Variants in TMEFF2 observed in about 807,000 individuals in gnomAD.
TMEFF2 encodes the protein tomoregulin-2.
TMEFF2 carries 28 observed loss-of-function variants against 53.8 expected under a neutral mutation model. The ratio of observed to expected loss-of-function variants is 0.52; its 90% CI spans 0.39 to 0.71. The LOEUF is 0.71. Among genes scored for constraint, TMEFF2 ranks in the 30% least tolerant of loss-of-function variants. TMEFF2 has a pLI of 0.00. For synonymous variants in TMEFF2, 162 were observed against 166.3 expected (o/e 0.97, Z 0.20); for missense variants, 353 against 455.2 (o/e 0.78, Z 2.04).
intron 9 of TMEFF2, among the ~76,000 whole-genome samples, chr2:191,951,132 A>G (rs573518170): frequency 6.6e-6 from 1 of 152,060 alleles, no homozygotes. Context: ...ACACATATAT[A>G]TCACGTGTGT....
Position 191,985,514 on chromosome 2 carries a change from T to C in TMEFF2, c.745+12748A>G, listed in dbSNP as rs534137652. ...AAACAACTGTTCCATCTTTCAGAGA[T>C]AGTCTGTTTTCACAAGACATTGTAA... is the stretch of plus-strand genomic sequence containing the variant. On this transcript the variant is annotated intron_variant, in intron 7 of 9. Transcript: ENST00000272771. Among the ~76,000 whole-genome samples, 3 of 152,282 alleles carry C rather than the reference T, an allele frequency of 2.0e-5. No homozygotes were observed. The South Asian group carries it at 6.2e-4, about 32-fold the overall frequency.
intron 7 of TMEFF2, among the ~76,000 whole-genome samples, chr2:191,972,608 G>A (rs1405064522): frequency 6.6e-6 from 1 of 151,990 alleles, no homozygotes; most frequent in Non-Finnish European, 1.5e-5. Context: ...CAATGTCCCA[G>A]TCTTCAACTT....
In TMEFF2 at chr2:191,995,171, T is replaced by C. The variant is rs538954216; in HGVS notation, c.745+3091A>G. On this transcript the variant is annotated intron_variant, in intron 7 of 9. Coordinates refer to ENST00000272771, the MANE Select transcript of TMEFF2 (RefSeq NM_016192.4). ...TAATTCACCTCCTGCTGATCCTTGC[T>C]GGGATCTCTTTTAACTGATATTAAA... Among the ~76,000 whole-genome samples, 4 of 152,148 alleles carry C rather than the reference T, an allele frequency of 2.6e-5. No individual in the cohort carries two copies. The South Asian group carries it at 8.3e-4, about 31-fold the overall frequency.
At chr2:192,181,657 C>T (rs2356963) in intron 3 of TMEFF2, among the ~76,000 whole-genome samples, 142,594 of 151,812 alleles carry the variant, frequency 0.94, 67,314 homozygotes, top group East Asian at 1. Flanking sequence ...TTAAAATGTA[C>T]AGTAAACATC....
At chr2:192,193,773 GAGAGAGAGAGAGA>G (rs1691527790) in intron 1 of TMEFF2, among the ~76,000 whole-genome samples, 1 of 40,498 alleles carries the variant, frequency 2.5e-5, no homozygotes, top group Non-Finnish European at 6.7e-5. Flanking sequence ...GAGAGAGAGA[GAGAGAGAGAGAGA>G]GAGAGAGAGA....
At chr2:191,959,133 C>G (rs1692193030) in intron 7 of TMEFF2, among the ~76,000 whole-genome samples, 1 of 152,100 alleles carries the variant, frequency 6.6e-6, no homozygotes, top group African/African-American at 2.4e-5. Context: ...ATGTTTCCTT[C>G]AGTAGCTTAT....
chr2:192,027,590 A>T (rs1355990755), intron 5 of TMEFF2, among the ~76,000 whole-genome samples: 1 of 152,142 alleles, frequency 6.6e-6, no homozygotes, highest in East Asian at 1.9e-4. Flanking sequence ...CCCTTGTGTA[A>T]TGCCCTACCC....
chr2:192,126,569 A>T (rs1042080765), intron 4 of TMEFF2, among the ~76,000 whole-genome samples: 10 of 152,226 alleles, frequency 6.6e-5, no homozygotes, highest in African/African-American at 2.2e-4. Context: ...TTCATGTCAC[A>T]ACTTGACACA....
At chr2:192,113,933 C>G (rs1360023919) in intron 4 of TMEFF2, among the ~76,000 whole-genome samples, 1 of 152,196 alleles carries the variant, frequency 6.6e-6, no homozygotes, top group East Asian at 1.9e-4. Context: ...GGGATTTCAT[C>G]TTAAATCTCT....
At chr2:192,090,303 T>C (rs1173880785) in intron 4 of TMEFF2, among the ~76,000 whole-genome samples, 4 of 152,160 alleles carry the variant, frequency 2.6e-5, no homozygotes, top group Non-Finnish European at 4.4e-5. Context: ...TTGTAGATTC[T>C]TTAGTGGAGT....
intron 5 of TMEFF2, among the ~76,000 whole-genome samples, chr2:192,013,070 C>A (rs1380836425): frequency 6.6e-6 from 1 of 152,168 alleles, no homozygotes; most frequent in Admixed American, 6.5e-5. Flanking sequence ...GCAGCTAGGG[C>A]AATGCCTTTA....
intron 5 of TMEFF2, among the ~76,000 whole-genome samples, chr2:192,016,448 AT>A (rs1286562497): frequency 3.9e-5 from 6 of 152,176 alleles, no homozygotes; most frequent in Non-Finnish European, 7.4e-5. Flanking sequence ...GACTAATATC[AT>A]TTTGATCCCA....
At chr2:192,037,269 A>AAAAG (rs1440087652) in intron 5 of TMEFF2, 2,345 of 72,454 alleles carry the variant, frequency 0.032, 108 homozygotes, top group East Asian at 0.066. Flanking sequence ...AAGACTAGCC[A>AAAAG]AAATAAAGAA....
intron 4 of TMEFF2, among the ~76,000 whole-genome samples, chr2:192,107,949 CTGTT>C (rs2105951605): frequency 7.0e-6 from 1 of 143,144 alleles, no homozygotes; most frequent in Admixed American, 6.9e-5. Flanking sequence ...AACAATATAA[CTGTT>C]TTTTTTTTTA....
At chr2:192,074,317 A>G (rs1574348843) in intron 4 of TMEFF2, among the ~76,000 whole-genome samples, 1 of 152,086 alleles carries the variant, frequency 6.6e-6, no homozygotes, top group East Asian at 1.9e-4. Flanking sequence ...TGTTGAGGAA[A>G]AGGGGTGGTG....
At chr2:192,144,322 ATATT>A (rs773253370) in intron 4 of TMEFF2, among the ~76,000 whole-genome samples, 4 of 152,052 alleles carry the variant, frequency 2.6e-5, no homozygotes, top group South Asian at 2.1e-4. Flanking sequence ...CAAGGGCATG[ATATT>A]GGAGAACAGG....
intron 4 of TMEFF2, among the ~76,000 whole-genome samples, chr2:192,162,535 G>C (rs1413376239): frequency 1.3e-5 from 2 of 152,030 alleles, no homozygotes; most frequent in East Asian, 3.9e-4. Flanking sequence ...TGGCTTTAGA[G>C]TTAAAATAGC....
intron 5 of TMEFF2, among the ~76,000 whole-genome samples, chr2:192,013,562 T>G (rs1018997781): frequency 6.6e-6 from 1 of 151,998 alleles, no homozygotes; most frequent in Non-Finnish European, 1.5e-5. Context: ...GCGATTCTCA[T>G]GCCTCAGCCT....
intron 5 of TMEFF2, among the ~76,000 whole-genome samples, chr2:192,013,059 T>G (rs891157132): frequency 1.3e-5 from 2 of 152,228 alleles, no homozygotes; most frequent in Non-Finnish European, 2.9e-5. Context: ...CAGTTCATGC[T>G]GCAGCTAGGG....
Sources: gnomAD v4.1 joint callset for allele counts (sites outside exome capture counted in the v4.1 genomes callset) on GRCh38, gnomAD v4.1.1 for gene constraint, MANE v1.5 for transcripts, NCBI Gene and HGNC (gene_info 2026-07-23, HGNC 2026-07-21) for gene names.